Variants in FAM83D observed in about 807,000 individuals in gnomAD.
FAM83D encodes protein FAM83D.
FAM83D carries 26 observed loss-of-function variants against 25.4 expected under a neutral mutation model. The observed-to-expected ratio is 1.02, with a 90% CI of 0.75 to 1.42. The LOEUF (loss-of-function observed/expected upper bound fraction) is 1.42. Ranked by LOEUF, FAM83D falls within the 40% of genes most tolerant of loss-of-function variation. The pLI is 0.00. For synonymous variants in FAM83D, 310 were observed against 318.5 expected, an observed-to-expected ratio of 0.97 and a Z score of 0.28; for missense variants, 740 against 758.1, an observed-to-expected ratio of 0.98 and a Z score of 0.28.
intron 1 of FAM83D, 138 bp downstream of exon 1, chr20:38,927,063 AG>A: frequency 7.3e-7 from 1 of 1,364,150 alleles, no homozygotes; most frequent in South Asian, 1.8e-5. Context: ...AGGTGGTCCC[AG>A]GGTCTCCGAC....
In FAM83D at chr20:38,926,536, C is replaced by T; in HGVS notation, c.94C>T (p.Arg32Trp). The change falls in exon 1 of 4, where the codon CGG becomes TGG. Residue 32 changes from arginine to tryptophan, a missense_variant. By Grantham distance (101) the Arg-to-Trp change is moderately radical. Around this residue, in one of 3 missense-constraint regions of FAM83D, gnomAD observed 333 missense variants for 298.6 expected, o/e 1.12. Coordinates refer to ENST00000619850, the MANE Select transcript of FAM83D (RefSeq NM_030919.3). ...CCCGACCGAGCTGTTCAGCGAGTCACGGCGCCTGGCTCTGGAGGAGCTGGT... is the reference window on the plus strand; with the variant it reads ...CCCGACCGAGCTGTTCAGCGAGTCATGGCGCCTGGCTCTGGAGGAGCTGGT... ...PNPTELFSES[R>W]RLALEELVAG... 1 of 1,586,934 alleles carries T rather than the reference C, an allele frequency of 6.3e-7. No individual in the cohort carries two copies.
chr20:38,947,930 A>G lies in FAM83D; in HGVS notation c.706A>G (p.Lys236Glu), dbSNP rs762126557. The G allele has an allele frequency of 6.2e-7, 1 of 1,614,226 alleles. No individual in the cohort carries two copies. Reference sequence around the variant, plus strand: ...TATCTACTATGCAAGGTCAGGAACTAAGATTATTGGGAAGGTTCACGAAAA... The same window carrying G: ...TATCTACTATGCAAGGTCAGGAACTGAGATTATTGGGAAGGTTCACGAAAA... ...GNIYYARSGT[K>E]IIGKVHEKFT... is the part of the protein sequence containing the mutation. The change falls in exon 3 of 4, where the codon AAG becomes GAG. Residue 236 changes from lysine to glutamate, a missense_variant. Lys to Glu is a moderately conservative substitution (Grantham distance 56). Transcript: ENST00000619850.
Position 38,951,878 on chromosome 20 carries a change from C to T in FAM83D, c.1116C>T (p.Asp372=). ...DCESSTVSEE[D]YFSSHRDELQ... is the part of the protein sequence containing the mutation. The stretch of plus-strand genomic sequence containing the variant: ...AGTCCTCTACTGTTAGTGAGGAAGA[C>T]TACTTCAGCAGCCACAGGGACGAGC... Residue 372 remains aspartate, a synonymous_variant, in exon 4 of 4, where the codon GAC becomes GAT. Transcript: ENST00000619850. 6.2e-7 allele frequency: 1 copy of T among 1,614,180 alleles called. No individual in the cohort carries two copies. The highest frequency in any genetic ancestry group is 8.5e-7 in the Non-Finnish European group (1 of 1,180,028).
intron 2 of FAM83D, 158 bp downstream of exon 2, chr20:38,942,284 C>T (rs1264873756): frequency 4.1e-6 from 3 of 733,790 alleles, no homozygotes; most frequent in African/African-American, 1.8e-5. Context: ...CAAACAGTAC[C>T]TGTGACCTGG....
At chr20:38,932,898 C>T (rs2085664153) in intron 1 of FAM83D, among the ~76,000 whole-genome samples, 2 of 152,170 alleles carry the variant, frequency 1.3e-5, no homozygotes, top group Non-Finnish European at 2.9e-5. Flanking sequence ...ATAACCTGAG[C>T]GTTAGTAGTG....
At position 38,952,469 on chromosome 20, in the gene FAM83D, A is replaced by G. The variant is rs2145810020; in HGVS notation, c.1707A>G (p.Arg569=). The change falls in exon 4 of 4, where the codon AGA becomes AGG. Residue 569 remains arginine, a synonymous_variant. Transcript: ENST00000619850. ...HLGLHSGNFS[R]VNLLAVRDVA... ...GCCTTCATTCTGGCAATTTCAGCAG[A>G]GTTAATTTGCTTGCTGTTAGAGATG... 6.2e-7 allele frequency: 1 copy of G among 1,614,130 alleles called. No individual in the cohort carries two copies. Among genetic ancestry groups the G allele is most frequent in the East Asian group, 2.2e-5 (1 of 44,892 alleles).
intron 1 of FAM83D, among the ~76,000 whole-genome samples, chr20:38,933,155 G>A (rs972771277): frequency 6.6e-6 from 1 of 152,192 alleles, no homozygotes. Context: ...TCTTTGTCCT[G>A]AGGGGCTGTC....
chr20:38,933,959 A>G (rs1319609313), intron 1 of FAM83D, among the ~76,000 whole-genome samples: 2 of 151,146 alleles, frequency 1.3e-5, no homozygotes, highest in Non-Finnish European at 2.9e-5. Flanking sequence ...GGTTCAAGCG[A>G]TTCCCCTGCC....
chr20:38,928,841 C>A (rs566023196), intron 1 of FAM83D, among the ~76,000 whole-genome samples: 13 of 152,238 alleles, frequency 8.5e-5, no homozygotes, highest in African/African-American at 3.1e-4. Flanking sequence ...GTATTTGGAA[C>A]CTGGGCAGTT....
chr20:38,938,098 C>T (rs1041169589), intron 1 of FAM83D, among the ~76,000 whole-genome samples: 1 of 152,210 alleles, frequency 6.6e-6, no homozygotes, highest in Non-Finnish European at 1.5e-5. Flanking sequence ...GACTAGTGTT[C>T]AAATCCAACG....
chr20:38,940,633 G>T (rs1463941283), intron 1 of FAM83D, among the ~76,000 whole-genome samples: 3 of 152,164 alleles, frequency 2.0e-5, no homozygotes, highest in African/African-American at 4.8e-5. Flanking sequence ...CCAAGCCTCG[G>T]CTTCCTTAGT....
intron 1 of FAM83D, among the ~76,000 whole-genome samples, chr20:38,930,699 G>A (rs987295320): frequency 7.9e-5 from 12 of 151,812 alleles, no homozygotes; most frequent in Non-Finnish European, 1.8e-4. Context: ...CCAGGCTGGA[G>A]TGCAGTGGCA....
intron 3 of FAM83D, 48 bp downstream of exon 3, chr20:38,948,048 G>T: frequency 6.2e-7 from 1 of 1,602,632 alleles, no homozygotes. Flanking sequence ...CTCTTCAGAA[G>T]AAGCATGTCA....
rs758166466 is a variant in FAM83D at position 38,951,541 on chromosome 20, T to G, written c.779T>G (p.Phe260Cys). 1.2e-6 allele frequency: 2 copies of G among 1,608,716 alleles called. No homozygotes were observed. Among genetic ancestry groups the G allele is most frequent in the Non-Finnish European group, 1.7e-6 (2 of 1,177,272 alleles). The stretch of plus-strand genomic sequence containing the variant: ...TTTGTTTCTTTTTAATCTTTAAGTT[T>G]TACATGGACGGATGGCAAATTAAAC... ...GIRVATGSYS[F>C]TWTDGKLNSS... is the part of the protein sequence containing the mutation. Residue 260 changes from phenylalanine (F) to cysteine (C), a missense_variant and splice_region_variant, in exon 4 of 4, where the codon TTT becomes TGT. Physicochemically the swap from Phe to Cys is radical, Grantham distance 205 (BLOSUM62 -2). This residue lies in a region of FAM83D where 375 missense variants were observed against 403.2 expected (regional missense o/e 0.93). Coordinates refer to ENST00000619850, the MANE Select transcript of FAM83D (RefSeq NM_030919.3).
At position 38,952,491 on chromosome 20, in the gene FAM83D, G is replaced by T. The variant is rs201035320; in HGVS notation, c.1729G>T (p.Asp577Tyr). The T allele has an allele frequency of 6.2e-7, 1 of 1,613,842 alleles. No individual in the cohort carries two copies. The highest frequency in any genetic ancestry group is 1.7e-5 in the Admixed American group (1 of 60,006). Reference protein sequence around the residue: ...FSRVNLLAVRDVALYPSYQ With the variant: ...FSRVNLLAVRYVALYPSYQ ...CAGAGTTAATTTGCTTGCTGTTAGA[G>T]ATGTAGCACTTTATCCTTCCTATCA... The change falls in exon 4 of 4, where the codon GAT (aspartate) becomes TAT (tyrosine). Residue 577 changes from aspartate (D) to tyrosine (Y), a missense_variant. Asp to Tyr is a radical substitution (Grantham distance 160, BLOSUM62 -3). Around this residue, in one of 3 missense-constraint regions of FAM83D, gnomAD observed 375 missense variants for 403.2 expected, o/e 0.93. Coordinates refer to ENST00000619850, the MANE Select transcript of FAM83D (RefSeq NM_030919.3).
intron 2 of FAM83D, among the ~76,000 whole-genome samples, chr20:38,947,561 C>T (rs1481554822): frequency 1.3e-5 from 2 of 152,192 alleles, no homozygotes; most frequent in African/African-American, 2.4e-5. Flanking sequence ...TTCTTGGATT[C>T]TGTTGTTTAG....
chr20:38,950,388 A>G (rs1021162002), intron 3 of FAM83D, among the ~76,000 whole-genome samples: 33 of 152,178 alleles, frequency 2.2e-4, no homozygotes, highest in Non-Finnish European at 1.0e-4. Flanking sequence ...TTTCTGGGGT[A>G]CAGGTGGGTG....
At chr20:38,938,343 C>A (rs943835090) in intron 1 of FAM83D, among the ~76,000 whole-genome samples, 1 of 152,186 alleles carries the variant, frequency 6.6e-6, no homozygotes, top group Admixed American at 6.5e-5. Flanking sequence ...ACTGAGGGAA[C>A]GTGTCCTTTG....
In FAM83D at chr20:38,938,212, G is replaced by T. The variant is rs370181005; in HGVS notation, c.484-3747G>T. Among the ~76,000 whole-genome samples, 21 of 152,364 alleles carry T rather than the reference G, an allele frequency of 1.4e-4. 1 individual carries two copies. Among genetic ancestry groups the T allele is most frequent in the African/African-American group, 5.0e-4 (21 of 41,592 alleles). On this transcript the variant is annotated intron_variant, in intron 1 of 3. Coordinates refer to ENST00000619850, the MANE Select transcript of FAM83D (RefSeq NM_030919.3). ...TGTTGCACAATTGTTTTGTTAAGTG[G>T]TGAATCAAAATTCAGCTTGGCCGTG...
Sources: gnomAD v4.1 joint callset for allele counts (sites outside exome capture counted in the v4.1 genomes callset) on GRCh38, gnomAD v4.1.1 for gene constraint, gnomAD v4.1.1 regional missense constraint, MANE v1.5 for transcripts, NCBI Gene and HGNC (gene_info 2026-07-23, HGNC 2026-07-21) for gene names.